The following GRIP1 variants were observed in gnomAD, a reference collection of about 807,000 sequenced individuals.
The protein encoded by GRIP1 is glutamate receptor-interacting protein 1.
A neutral mutation model predicts 129.9 loss-of-function variants in GRIP1; 45 were observed. That is an observed-to-expected ratio of 0.35 (90% confidence interval 0.27 to 0.44). The LOEUF is 0.44. Among genes scored for constraint, GRIP1 ranks in the 20% least tolerant of loss-of-function variants. The probability of loss-of-function intolerance (pLI) is 1.00; values close to 1 mark genes in which losing one functional copy is unlikely to be tolerated. For missense variants in GRIP1, 1,196 were observed against 1,396.8 expected (o/e 0.86, Z 2.29); for synonymous variants, 530 against 520.8 (o/e 1.02, Z -0.24).
chr12:66,584,224 C>T (rs2063520177), intron 2 of GRIP1, among the ~76,000 whole-genome samples: 1 of 140,402 alleles, frequency 7.1e-6, no homozygotes, highest in African/African-American at 2.7e-5. Context: ...CACATGGACA[C>T]AGGAAGGGGA....
chr12:66,432,906 G>T (rs1004445566), intron 13 of GRIP1, among the ~76,000 whole-genome samples: 2 of 152,124 alleles, frequency 1.3e-5, no homozygotes, highest in African/African-American at 4.8e-5. Context: ...ACCTGGAATG[G>T]GAGTTACAAA....
chr12:66,986,968 A>T (rs569140857), intron 1 of GRIP1, among the ~76,000 whole-genome samples: 17 of 152,280 alleles, frequency 1.1e-4, no homozygotes, highest in African/African-American at 4.1e-4. Context: ...CTAAAGAGAC[A>T]GTATATAAGA....
intron 1 of GRIP1, among the ~76,000 whole-genome samples, chr12:66,843,161 A>G (rs1411888061): frequency 6.6e-6 from 1 of 152,118 alleles, no homozygotes. Context: ...ACCATTTCTC[A>G]ATTAATAAAA....
At chr12:66,714,910 TC>T (rs2035826684) in intron 1 of GRIP1, among the ~76,000 whole-genome samples, 1 of 149,662 alleles carries the variant, frequency 6.7e-6, no homozygotes, top group African/African-American at 2.5e-5. Flanking sequence ...CATCCATCCA[TC>T]CATCCATCCA....
chr12:66,350,018 G>C (rs1453706064), intron 24 of GRIP1, among the ~76,000 whole-genome samples: 1 of 151,802 alleles, frequency 6.6e-6, no homozygotes, highest in East Asian at 1.9e-4. Context: ...GACCCTACTT[G>C]TCAAATCCAG....
chr12:66,538,487 T>C (rs2061674100), intron 4 of GRIP1, among the ~76,000 whole-genome samples: 1 of 151,752 alleles, frequency 6.6e-6, no homozygotes, highest in African/African-American at 2.4e-5. Context: ...TATGCCACCA[T>C]GCCTAGCCCT....
At chr12:66,607,711 A>G (rs1325647260) in intron 1 of GRIP1, among the ~76,000 whole-genome samples, 2 of 152,152 alleles carry the variant, frequency 1.3e-5, no homozygotes, top group Non-Finnish European at 1.5e-5. Context: ...AGGTGCTGCC[A>G]CCTCAATTCT....
At chr12:66,701,343 G>A (rs1043338820) in intron 1 of GRIP1, among the ~76,000 whole-genome samples, 1 of 152,074 alleles carries the variant, frequency 6.6e-6, no homozygotes, top group African/African-American at 2.4e-5. Context: ...TACTTTAGTA[G>A]AATTACTTTA....
At chr12:66,564,051 C>T in intron 2 of GRIP1, 1 of 153,286 alleles carries the variant, frequency 6.5e-6, no homozygotes, top group Non-Finnish European at 1.4e-5. Context: ...ATTGGATTTC[C>T]TTCTCCTTCC....
intron 1 of GRIP1, among the ~76,000 whole-genome samples, chr12:66,781,517 G>A (rs1264791552): frequency 6.6e-6 from 1 of 152,080 alleles, no homozygotes; most frequent in Non-Finnish European, 1.5e-5. Flanking sequence ...CCCAAGCAAA[G>A]TATACACAAT....
intron 15 of GRIP1, among the ~76,000 whole-genome samples, chr12:66,411,259 G>C (rs1187199984): frequency 6.6e-6 from 1 of 152,116 alleles, no homozygotes; most frequent in Non-Finnish European, 1.5e-5. Context: ...GCCCCTCTGG[G>C]ACAGAGCTCC....
chr12:66,426,584 C>G (rs893262924), intron 14 of GRIP1, among the ~76,000 whole-genome samples: 11 of 152,080 alleles, frequency 7.2e-5, no homozygotes, highest in Admixed American at 7.2e-4. Context: ...CTGATTTCCC[C>G]CTTTGTTTCT....
At chr12:66,865,668 T>A (rs750833994) in intron 1 of GRIP1, among the ~76,000 whole-genome samples, 2 of 151,608 alleles carry the variant, frequency 1.3e-5, no homozygotes, top group Middle Eastern at 3.2e-3. Flanking sequence ...CCCACCCACA[T>A]TCTCATTATC....
intron 1 of GRIP1, among the ~76,000 whole-genome samples, chr12:67,058,096 T>C (rs1565660108): frequency 6.6e-6 from 1 of 152,236 alleles, no homozygotes; most frequent in African/African-American, 2.4e-5. Context: ...TAATAGTAGA[T>C]ATAAATATCA....
intron 7 of GRIP1, among the ~76,000 whole-genome samples, chr12:66,475,157 A>G (rs567861396): frequency 6.6e-6 from 1 of 152,282 alleles, no homozygotes; most frequent in Non-Finnish European, 1.5e-5. Flanking sequence ...ATGGAAAACA[A>G]AAAAAGGCAG....
In GRIP1 at chr12:66,456,350, T is replaced by C. The variant is rs2058963795; in HGVS notation, c.1043-8A>G. The C allele has an allele frequency of 5.5e-6, 7 of 1,279,402 alleles. No individual in the cohort carries two copies. Among genetic ancestry groups the C allele is most frequent in the African/African-American group, 1.5e-5 (1 of 65,600 alleles). 79.3% of individuals were successfully genotyped at this position (1,279,402 alleles called of 1,614,324 possible). On this transcript the variant is annotated splice_region_variant and splice_polypyrimidine_tract_variant and intron_variant, in intron 9 of 24. Coordinates refer to ENST00000359742, the MANE Select transcript of GRIP1 (RefSeq NM_001366722.1). ...CGCTCCTCTGAATTTTCACTGCCCA[T>C]ATGAAGTGATGATGAAAAATAAGAA...
At chr12:66,563,420 C>G (rs1475321824) in intron 2 of GRIP1, 1 of 152,100 alleles carries the variant, frequency 6.6e-6, no homozygotes, top group Non-Finnish European at 1.5e-5. Flanking sequence ...ATAACTGCCA[C>G]AGAGGAAAAA....
intron 1 of GRIP1, among the ~76,000 whole-genome samples, chr12:66,946,786 G>GGT (rs2041676617): frequency 1.8e-5 from 1 of 55,460 alleles, no homozygotes; most frequent in Non-Finnish European, 3.5e-5. Flanking sequence ...GGTGGGGGAT[G>GGT]GGGGGGGTGT....
At chr12:67,066,541 A>C (rs2043629234) in intron 1 of GRIP1, among the ~76,000 whole-genome samples, 1 of 152,146 alleles carries the variant, frequency 6.6e-6, no homozygotes, top group Non-Finnish European at 1.5e-5. Context: ...GATGAGCACA[A>C]CCAACCTTAG....
Sources: gnomAD v4.1 joint callset for allele counts (sites outside exome capture counted in the v4.1 genomes callset) on GRCh38, gnomAD v4.1.1 for gene constraint, MANE v1.5 for transcripts, NCBI Gene and HGNC (gene_info 2026-07-23, HGNC 2026-07-21) for gene names.